PLCE1: variants seen among roughly 807,000 people sequenced by gnomAD.
PLCE1 encodes phospholipase C epsilon 1.
A neutral mutation model predicts 242.8 loss-of-function variants in PLCE1; 119 were observed. The ratio of observed to expected loss-of-function variants is 0.49; its 90% confidence interval spans 0.42 to 0.57. PLCE1 has a LOEUF of 0.57. Ranked by LOEUF, PLCE1 falls within the 20% of genes least tolerant of loss-of-function variation. PLCE1 has a pLI of 0.00. For missense variants in PLCE1, 2,441 were observed against 2,788.8 expected, an observed-to-expected ratio of 0.88 and a Z score of 2.81; for synonymous variants, 945 against 1,017.4, an observed-to-expected ratio of 0.93 and a Z score of 1.35.
intron 2 of PLCE1, among the ~76,000 whole-genome samples, chr10:94,117,079 C>A (rs1305273560): frequency 6.6e-6 from 1 of 152,162 alleles, no homozygotes; most frequent in Non-Finnish European, 1.5e-5. Flanking sequence ...TGGATGTGGA[C>A]TTTCTCCTCC....
rs2133972001 is a variant in PLCE1 at position 94,331,342 on chromosome 10, C to T, written c.*3399C>T. The T allele has an allele frequency of 6.6e-6, 1 of 152,312 alleles. No homozygotes were observed. The highest frequency in any genetic ancestry group is 2.1e-4 in the South Asian group (1 of 4,826). 9.4% of individuals were successfully genotyped at this position (152,312 alleles called of 1,614,324 possible). On this transcript the variant is annotated 3_prime_UTR_variant, in exon 33 of 33. Coordinates refer to ENST00000371380, the MANE Select transcript of PLCE1 (RefSeq NM_016341.4). ...GCTAACTACATCGTCCCCTTCCTTT[C>T]TTCTCTCCTCTTCCAATATCTCTAT...
At chr10:94,213,664 T>A (rs1278540043) in intron 4 of PLCE1, among the ~76,000 whole-genome samples, 1 of 152,188 alleles carries the variant, frequency 6.6e-6, no homozygotes, top group African/African-American at 2.4e-5. Flanking sequence ...TTGAAAGAAA[T>A]GAAGGATCAT....
intron 2 of PLCE1, among the ~76,000 whole-genome samples, chr10:94,042,736 A>G (rs1454913803): frequency 6.6e-5 from 10 of 152,134 alleles, no homozygotes; most frequent in Admixed American, 6.5e-4. Flanking sequence ...GCCTGCTAGG[A>G]GGAGGAAACC....
intron 1 of PLCE1, among the ~76,000 whole-genome samples, chr10:94,023,544 A>G (rs567476090): frequency 6.6e-6 from 1 of 152,296 alleles, no homozygotes; most frequent in Non-Finnish European, 1.5e-5. Context: ...GTTACATTCT[A>G]CTAACATCAA....
At chr10:94,242,855 G>A (rs1299634832) in intron 7 of PLCE1, among the ~76,000 whole-genome samples, 1 of 152,116 alleles carries the variant, frequency 6.6e-6, no homozygotes, top group Non-Finnish European at 1.5e-5. Context: ...ATCACCCAAA[G>A]TATTAAATTA....
Position 94,033,300 on chromosome 10 carries a change from T to C in PLCE1, c.1206+1048T>C, listed in dbSNP as rs953601578. On this transcript the variant is annotated intron_variant, in intron 2 of 32. Transcript: ENST00000371380. Reference sequence around the variant, plus strand: ...ATATTGGATTATGTATATATACTTATGTATATATAGTATGGATTTCTTGAA... The same window carrying C: ...ATATTGGATTATGTATATATACTTACGTATATATAGTATGGATTTCTTGAA... Among the ~76,000 whole-genome samples the C allele has an allele frequency of 4.6e-5, 7 of 152,136 alleles. No individual in the cohort carries two copies. In the East Asian group the frequency reaches 7.7e-4, roughly 17 times the overall value.
intron 19 of PLCE1, among the ~76,000 whole-genome samples, chr10:94,274,414 A>G (rs2051869806): frequency 6.6e-6 from 1 of 152,234 alleles, no homozygotes. Context: ...ACAGGCACAC[A>G]GATGCTAAAC....
intron 1 of PLCE1, among the ~76,000 whole-genome samples, chr10:93,997,265 G>A (rs1056700961): frequency 6.6e-6 from 1 of 152,148 alleles, no homozygotes; most frequent in Non-Finnish European, 1.5e-5. Flanking sequence ...CTCACTTGGT[G>A]AGAACTACAC....
chr10:94,300,590 G>A (rs1038981242), intron 24 of PLCE1, among the ~76,000 whole-genome samples: 2 of 152,160 alleles, frequency 1.3e-5, no homozygotes, highest in African/African-American at 4.8e-5. Context: ...TCTGCAAACT[G>A]GGGGTACAGC....
At chr10:94,120,543 T>C (rs1158453853) in intron 2 of PLCE1, among the ~76,000 whole-genome samples, 1 of 152,142 alleles carries the variant, frequency 6.6e-6, no homozygotes. Flanking sequence ...TTGGGTCCCA[T>C]TGGAAGAGAA....
intron 3 of PLCE1, among the ~76,000 whole-genome samples, chr10:94,133,668 T>C (rs1009629941): frequency 6.6e-6 from 1 of 152,178 alleles, no homozygotes; most frequent in South Asian, 2.1e-4. Context: ...CTATGTTGGG[T>C]GCCAAGTTGG....
chr10:94,263,150 G>T (rs766346873), intron 14 of PLCE1, among the ~76,000 whole-genome samples: 1 of 152,080 alleles, frequency 6.6e-6, no homozygotes, highest in East Asian at 1.9e-4. Flanking sequence ...GATTACAGGC[G>T]TGAGCCACTG....
At position 94,031,543 on chromosome 10, in the gene PLCE1, T is replaced by C. The variant is rs746187420; in HGVS notation, c.497T>C (p.Leu166Ser). 12 of 1,612,228 alleles carry C rather than the reference T, an allele frequency of 7.4e-6. No homozygotes were observed. Among genetic ancestry groups the C allele is most frequent in the Non-Finnish European group, 1.0e-5 (12 of 1,179,840 alleles). ...AGACCTTCCATGGGCATTAGTCCTTTAGGAAATCAGTCAGTGATCATAGAG... is the reference window on the plus strand; with the variant it reads ...AGACCTTCCATGGGCATTAGTCCTTCAGGAAATCAGTCAGTGATCATAGAG... The part of the protein sequence containing the change: ...LDRPSMGISP[L>S]GNQSVIIETG... Residue 166 changes from leucine (L) to serine (S), a missense_variant, in exon 2 of 33, where the codon TTA (leucine) becomes TCA (serine). Leu to Ser is a moderately radical substitution (Grantham distance 145). Transcript: ENST00000371380.
At chr10:94,244,901 A>G (rs1190021389) in intron 7 of PLCE1, among the ~76,000 whole-genome samples, 1 of 152,072 alleles carries the variant, frequency 6.6e-6, no homozygotes, top group Non-Finnish European at 1.5e-5. Context: ...GGATCTCACC[A>G]TGTTGCCCAG....
In PLCE1 at chr10:94,171,276, A is replaced by G. The variant is rs1415198205; in HGVS notation, c.1589A>G (p.Gln530Arg). 3 of 1,614,032 alleles carry G rather than the reference A, an allele frequency of 1.9e-6. No homozygotes were observed. The East Asian group carries it at 6.7e-5, about 36-fold the overall frequency. Residue 530 changes from glutamine to arginine, a missense_variant, in exon 4 of 33, where the codon CAG (glutamine) becomes CGG (arginine). Coordinates refer to ENST00000371380, the MANE Select transcript of PLCE1 (RefSeq NM_016341.4). Reference sequence around the variant, plus strand: ...CTGATCGATCTGCAGCCTCTCATCCAGTTCCCAGAGGAAGTCGCCAGCATC... The same window carrying G: ...CTGATCGATCTGCAGCCTCTCATCCGGTTCCCAGAGGAAGTCGCCAGCATC... ...KELIDLQPLI[Q>R]FPEEVASILM... is the part of the protein sequence containing the mutation.
intron 8 of PLCE1, among the ~76,000 whole-genome samples, chr10:94,247,114 G>GAA (rs398014491): frequency 0.076 from 7,599 of 100,302 alleles, 493 homozygotes; most frequent in African/African-American, 0.18. Context: ...TCTGTCTCAG[G>GAA]AAAAAAAAAA....
intron 2 of PLCE1, among the ~76,000 whole-genome samples, chr10:94,040,035 T>C (rs2061735657): frequency 6.6e-6 from 1 of 152,370 alleles, no homozygotes; most frequent in African/African-American, 2.4e-5. Flanking sequence ...TTATTTACAG[T>C]GGAGCTTGTT....
At position 94,130,314 on chromosome 10, in the gene PLCE1, T is replaced by C. The variant is rs78992782; in HGVS notation, c.1207-1860T>C. On this transcript the variant is annotated intron_variant, in intron 2 of 32. Transcript: ENST00000371380. ...CTCCAATCACATTGCATTTCATAGA[T>C]TGTGGTCTATAGTTATACAACCACC... is the stretch of plus-strand genomic sequence containing the variant. Among the ~76,000 whole-genome samples the C allele has an allele frequency of 9.8e-4, 150 of 152,360 alleles. 1 individual carries two copies. In the East Asian group the frequency reaches 0.025, roughly 25 times the overall value.
At chr10:94,269,093 T>C (rs1291544587) in intron 17 of PLCE1, 57 bp downstream of exon 17, 6 of 613,904 alleles carry the variant, frequency 9.8e-6, no homozygotes, top group African/African-American at 2.0e-5. Flanking sequence ...TCTTCATTTG[T>C]CTTTTTTTTT....
Sources: gnomAD v4.1 joint callset for allele counts (sites outside exome capture counted in the v4.1 genomes callset) on GRCh38, gnomAD v4.1.1 for gene constraint, MANE v1.5 for transcripts, NCBI Gene and HGNC (gene_info 2026-07-23, HGNC 2026-07-21) for gene names.